The following KIF1A variants were observed in gnomAD, a reference collection of about 807,000 sequenced individuals.
KIF1A encodes the protein kinesin-like protein KIF1A.
Under a neutral mutation model 227.3 loss-of-function variants are expected in KIF1A, and 46 were observed. That is an observed-to-expected ratio of 0.20 (90% CI 0.16 to 0.26). KIF1A has a LOEUF of 0.26. KIF1A is among the 10% of genes least tolerant of loss of function. KIF1A has a pLI of 1.00. For missense variants in KIF1A, 1,683 were observed against 2,485.9 expected, an observed-to-expected ratio of 0.68 and a Z score of 6.87; for synonymous variants, 1,022 against 1,012.8, an observed-to-expected ratio of 1.01 and a Z score of -0.17.
intron 20 of KIF1A, among the ~76,000 whole-genome samples, chr2:240,764,934 G>A (rs931826469): frequency 2.6e-5 from 4 of 152,252 alleles, no homozygotes; most frequent in African/African-American, 9.6e-5. Context: ...TTCCCAGCCT[G>A]CCCTGAGTTC....
rs1014899412 is a variant in KIF1A at position 240,718,157 on chromosome 2, T to C, written c.5226A>G (p.Thr1742=). ...DQQAMLKTPN[T]FAVCTEHRGI... ...CGCGGTGTTCCGTGCACACCGCGAA[T>C]GTGTTGGGTGTCTGCAGAGGGAGGC... The change falls in exon 48 of 49, where the codon ACA becomes ACG. Residue 1742 remains threonine (T), a synonymous_variant. Transcript: ENST00000498729. 6.2e-7 allele frequency: 1 copy of C among 1,603,078 alleles called. No homozygotes were observed. The highest frequency in any genetic ancestry group is 1.3e-5 in the African/African-American group (1 of 74,746).
At chr2:240,771,636 C>G (rs576301999) in intron 14 of KIF1A, among the ~76,000 whole-genome samples, 1 of 152,166 alleles carries the variant, frequency 6.6e-6, no homozygotes, top group African/African-American at 2.4e-5. Context: ...CAGACCCCCA[C>G]GCTTGTCCTC....
rs1194087610 is a variant in KIF1A, at chr2:240,792,028, C to A, written c.107-2716G>T. On this transcript the variant is annotated intron_variant, in intron 2 of 48. Transcript: ENST00000498729. This position sits in a 1 kb window ranked among gnomAD's most constrained non-coding sequence, Gnocchi z 4.5. ...CCCCACCCCACCCTGGCCCTGCCAC[C>A]CCTCCCACACCCTGTGCTGTGGCTG... is the stretch of plus-strand genomic sequence containing the variant. 6.6e-6 allele frequency among the ~76,000 whole-genome samples: 1 copy of A among 152,006 alleles called. No homozygotes were observed. Among genetic ancestry groups the A allele is most frequent in the Non-Finnish European group, 1.5e-5 (1 of 67,960 alleles).
chr2:240,795,103 G>A (rs957499521), intron 2 of KIF1A, among the ~76,000 whole-genome samples: 2 of 152,140 alleles, frequency 1.3e-5, no homozygotes, highest in Non-Finnish European at 2.9e-5. Flanking sequence ...TTGGTGTCTT[G>A]CATATGTTCA....
In KIF1A at chr2:240,763,347, C is replaced by A; in HGVS notation, c.1769-1G>T. 1 of 1,570,602 alleles carries A rather than the reference C, an allele frequency of 6.4e-7. No individual in the cohort carries two copies. The highest frequency in any genetic ancestry group is 8.6e-7 in the Non-Finnish European group (1 of 1,158,884). Reference sequence around the variant, plus strand: ...CTCTTACCCATGATGATGCGGTTTCCTGGGGAACAGAGGGACAGGTGGCCT... The same window carrying A: ...CTCTTACCCATGATGATGCGGTTTCATGGGGAACAGAGGGACAGGTGGCCT... On this transcript the variant is annotated splice_acceptor_variant, in intron 20 of 48. Transcript: ENST00000498729. LOFTEE classifies it high-confidence loss of function.
chr2:240,749,019 G>A (rs34056970), intron 28 of KIF1A, among the ~76,000 whole-genome samples: 23,470 of 151,894 alleles, frequency 0.15, 2,188 homozygotes, highest in Middle Eastern at 0.24. Flanking sequence ...TACTCTACTC[G>A]GCAGGCTGAG....
At chr2:240,738,036 C>G (rs1279361291) in intron 37 of KIF1A, among the ~76,000 whole-genome samples, 1 of 152,232 alleles carries the variant, frequency 6.6e-6, no homozygotes, top group East Asian at 1.9e-4. Context: ...AGCAAAGTGC[C>G]CTTCCCCACG....
rs1381462235 is a variant in KIF1A at position 240,764,455 on chromosome 2, G to C, written c.1769-1109C>G. 1.3e-5 allele frequency among the ~76,000 whole-genome samples: 2 copies of C among 152,088 alleles called. 1 individual carries two copies. The highest frequency in any genetic ancestry group is 4.2e-4 in the South Asian group (2 of 4,816). On this transcript the variant is annotated intron_variant, in intron 20 of 48. Transcript: ENST00000498729. ...TTACAAGGCCACCCCACGAATTCAG[G>C]ACATTCAGTGTGTCCTGCCCTCCTG...
intron 44 of KIF1A, 44 bp from the exon 45 acceptor site, chr2:240,721,082 T>A (rs2045313964): frequency 1.2e-6 from 2 of 1,604,116 alleles, no homozygotes; most frequent in Non-Finnish European, 1.7e-6. Context: ...GGAAGGGGGG[T>A]CTCCGGCCTC....
intron 1 of KIF1A, among the ~76,000 whole-genome samples, chr2:240,807,105 T>C (rs1194119746): frequency 3.0e-5 from 3 of 100,356 alleles, no homozygotes; most frequent in Non-Finnish European, 5.9e-5. Context: ...TGTGTGTGTG[T>C]GTGTGTGTGT....
chr2:240,747,759 A>T (rs944724174), intron 28 of KIF1A, among the ~76,000 whole-genome samples: 1 of 152,046 alleles, frequency 6.6e-6, no homozygotes, highest in African/African-American at 2.4e-5. Context: ...CTAGACATTC[A>T]AGGGCCACCA....
Position 240,758,462 on chromosome 2 carries a change from C to A in KIF1A, c.2480G>T (p.Arg827Leu). The change falls in exon 26 of 49, where the codon CGC becomes CTC. Residue 827 changes from arginine to leucine, a missense_variant. Arg to Leu is a moderately radical substitution (Grantham distance 102). Around this residue, in one of 12 missense-constraint regions of KIF1A, gnomAD observed 759 missense variants for 1,020.2 expected, o/e 0.74. Transcript: ENST00000498729. This position sits in a 1 kb window ranked among gnomAD's most constrained non-coding sequence, Gnocchi z 5.2. ...GACACTGGAGGGCACCTCTGCAGCG[C>A]GGTCGTACATCTCCCGCATCAGGTC... ...RLDLMREMYDRAAEVPSSVIE... is the reference protein window; with the variant it reads ...RLDLMREMYDLAAEVPSSVIE... 1 of 1,607,670 alleles carries A rather than the reference C, an allele frequency of 6.2e-7. No individual in the cohort carries two copies.
In KIF1A at chr2:240,752,952, A is replaced by G. The variant is rs1464446027; in HGVS notation, c.2859-2405T>C. Among the ~76,000 whole-genome samples, 3 of 152,138 alleles carry G rather than the reference A, an allele frequency of 2.0e-5. No homozygotes were observed. The highest frequency in any genetic ancestry group is 4.4e-5 in the Non-Finnish European group (3 of 68,016). ...TAGAGCTGTCCAGGGCCACCCAGACAGGGTCAGACACTACCTTTCCTACCC... is the reference window on the plus strand; with the variant it reads ...TAGAGCTGTCCAGGGCCACCCAGACGGGGTCAGACACTACCTTTCCTACCC... On this transcript the variant is annotated intron_variant, in intron 27 of 48. Transcript: ENST00000498729. The surrounding 1 kb of genome is among the most constrained non-coding windows in gnomAD (Gnocchi z 6.4).
intron 10 of KIF1A, chr2:240,782,100 AC>A: frequency 1.0e-6 from 1 of 985,150 alleles, no homozygotes; most frequent in Non-Finnish European, 1.2e-6. Flanking sequence ...GGTTCCTCAC[AC>A]AGTCCCCAGC....
Position 240,722,591 on chromosome 2 carries a change from C to T in KIF1A, c.4530G>A (p.Pro1510=), listed in dbSNP as rs767349300. ...CGCTGAAGGCCGGGGACAGTGCCTC[C>T]GGGACAGGCCGCTGGGCGGTCTCCA... ...EKLETAQRPV[P]EALSPAFSED... is the part of the protein sequence containing the mutation. Residue 1510 remains proline, a synonymous_variant, in exon 43 of 49, where the codon CCG becomes CCA. Transcript: ENST00000498729. The T allele has an allele frequency of 1.5e-5, 23 of 1,563,102 alleles. No individual in the cohort carries two copies. The highest frequency in any genetic ancestry group is 1.9e-5 in the Admixed American group (1 of 53,678).
intron 28 of KIF1A, among the ~76,000 whole-genome samples, chr2:240,748,227 C>T (rs972638548): frequency 9.2e-5 from 14 of 152,188 alleles, no homozygotes; most frequent in African/African-American, 3.4e-4. Flanking sequence ...CTCAGAGCTG[C>T]TGTACACCTT....
intron 38 of KIF1A, chr2:240,728,353 G>C: frequency 7.9e-7 from 1 of 1,273,172 alleles, no homozygotes; most frequent in Non-Finnish European, 1.0e-6. Context: ...GAAGAGGACA[G>C]ACCAAGCAAG....
chr2:240,756,888 C>T (rs1575580820), intron 27 of KIF1A, among the ~76,000 whole-genome samples: 1 of 152,250 alleles, frequency 6.6e-6, no homozygotes, highest in East Asian at 1.9e-4. Context: ...GGACGGGCAT[C>T]CTGCTTGGGG....
rs184108580 is a variant in KIF1A at position 240,757,240 on chromosome 2, G to T, written c.2858+79C>A. ...GGGAGGGCCCGGGCCAGGCCCCAGCGGTTCCTCTGTGCCCGCAGCAGTGCT... is the reference window on the plus strand; with the variant it reads ...GGGAGGGCCCGGGCCAGGCCCCAGCTGTTCCTCTGTGCCCGCAGCAGTGCT... On this transcript the variant is annotated intron_variant, in intron 27 of 48. Transcript: ENST00000498729. This position sits in a 1 kb window ranked among gnomAD's most constrained non-coding sequence, Gnocchi z 6.2. The T allele has an allele frequency of 3.0e-4, 413 of 1,399,808 alleles. 1 individual carries two copies. Among genetic ancestry groups the T allele is most frequent in the African/African-American group, 1.9e-3 (131 of 70,368 alleles). The allele number at this position is 1,399,808 out of a possible 1,614,324, so 86.7% of individuals were successfully genotyped here. A position where few individuals can be genotyped will look rare whatever the true frequency, so the allele number is the denominator to read the frequency against.
Sources: gnomAD v4.1 joint callset for allele counts (sites outside exome capture counted in the v4.1 genomes callset) on GRCh38, gnomAD v4.1.1 for gene constraint, gnomAD v4.1.1 regional missense constraint, Gnocchi (gnomAD v3.1) non-coding constraint, MANE v1.5 for transcripts, NCBI Gene and HGNC (gene_info 2026-07-23, HGNC 2026-07-21) for gene names.